The following RGS6 variants were observed in gnomAD, a reference collection of about 807,000 sequenced individuals.
RGS6 encodes the protein regulator of G-protein signaling 6.
RGS6 carries 30 observed loss-of-function variants against 78.5 expected under a neutral mutation model. That is an observed-to-expected ratio of 0.38 (90% CI 0.29 to 0.52). The LOEUF (loss-of-function observed/expected upper bound fraction) is 0.52, where lower values mean the gene tolerates loss of function less well. RGS6 is among the 20% of genes least tolerant of loss of function. The probability of loss-of-function intolerance (pLI) is 0.85; values close to 1 mark genes in which losing one functional copy is unlikely to be tolerated. For synonymous variants in RGS6, 206 were observed against 206.0 expected (o/e 1.00, Z 0.00); for missense variants, 495 against 609.7 (o/e 0.81, Z 1.98).
chr14:71,907,945 A>G, the RGS6 span, among the ~76,000 whole-genome samples: 15 of 152,194 alleles, frequency 9.9e-5, no homozygotes. Context: ...AACAAATAGC[A>G]CGGGTACTGG....
At chr14:72,103,481 G>A (rs2095568189) in intron 2 of RGS6, among the ~76,000 whole-genome samples, 1 of 152,188 alleles carries the variant, frequency 6.6e-6, no homozygotes, top group Non-Finnish European at 1.5e-5. Context: ...CTTTTGCTCT[G>A]AATAGCAGCA....
intron 2 of RGS6, among the ~76,000 whole-genome samples, chr14:72,055,307 C>T (rs909096732): frequency 2.0e-5 from 3 of 148,964 alleles, no homozygotes; most frequent in Admixed American, 6.6e-5. Flanking sequence ...TATTTTCAGA[C>T]ATCAATTTTT....
chr14:72,314,487 T>A (rs1471844285), intron 2 of RGS6, among the ~76,000 whole-genome samples: 1 of 152,212 alleles, frequency 6.6e-6, no homozygotes. Context: ...TGGGAGTTTC[T>A]AGCTATAGAA....
chr14:72,329,151 G>A (rs982260304), intron 2 of RGS6, among the ~76,000 whole-genome samples: 4 of 152,240 alleles, frequency 2.6e-5, no homozygotes, highest in Admixed American at 2.6e-4. Flanking sequence ...TGGGATTACA[G>A]GCGTGAGCCA....
At chr14:72,240,306 T>A (rs2052438831) in intron 2 of RGS6, among the ~76,000 whole-genome samples, 1 of 152,244 alleles carries the variant, frequency 6.6e-6, no homozygotes, top group African/African-American at 2.4e-5. Context: ...AGTAGGCAAG[T>A]CAACTGTGAG....
chr14:72,301,503 C>A (rs2066051662), intron 2 of RGS6, among the ~76,000 whole-genome samples: 2 of 152,000 alleles, frequency 1.3e-5, no homozygotes, highest in South Asian at 4.2e-4. Flanking sequence ...TTCTCATTTT[C>A]TCTCTCACCA....
At chr14:72,287,851 G>C (rs112486427) in intron 2 of RGS6, among the ~76,000 whole-genome samples, 7 of 152,302 alleles carry the variant, frequency 4.6e-5, no homozygotes, top group African/African-American at 1.7e-4. Context: ...CTATTGAGAT[G>C]ATTGTGTGAT....
At chr14:72,191,298 G>A (rs1053586776) in intron 2 of RGS6, among the ~76,000 whole-genome samples, 1 of 150,952 alleles carries the variant, frequency 6.6e-6, no homozygotes, top group African/African-American at 2.4e-5. Flanking sequence ...TTGTAAATGA[G>A]GTTTCAACTC....
At chr14:72,469,484 G>T in intron 7 of RGS6, 1 of 152,864 alleles carries the variant, frequency 6.5e-6, no homozygotes, top group Non-Finnish European at 1.5e-5. Context: ...TGCGATTACA[G>T]GTGTGAGTCA....
At chr14:72,058,350 G>T (rs1177473058) in intron 2 of RGS6, among the ~76,000 whole-genome samples, 1 of 152,138 alleles carries the variant, frequency 6.6e-6, no homozygotes, top group Non-Finnish European at 1.5e-5. Context: ...AATATTTTAA[G>T]ACAGCTGGTT....
At chr14:72,517,491 G>T (rs1321861787) in intron 14 of RGS6, among the ~76,000 whole-genome samples, 2 of 35,296 alleles carry the variant, frequency 5.7e-5, no homozygotes, top group African/African-American at 1.1e-4. Context: ...GCTCCCATGC[G>T]GATGCTGAGG....
chr14:72,315,151 A>G (rs938852756), intron 2 of RGS6, among the ~76,000 whole-genome samples: 25 of 106 alleles, frequency 0.24, no homozygotes, highest in Non-Finnish European at 0.038. Context: ...ATATGTAAAT[A>G]TCAGCTGAGA....
intron 13 of RGS6, among the ~76,000 whole-genome samples, chr14:72,501,476 C>A (rs1216112276): frequency 6.6e-6 from 1 of 152,152 alleles, no homozygotes; most frequent in Non-Finnish European, 1.5e-5. Context: ...GATCGCACCA[C>A]TCCACTCCCG....
At chr14:71,999,207 A>AC (rs2082920644) in intron 2 of RGS6, among the ~76,000 whole-genome samples, 1 of 152,232 alleles carries the variant, frequency 6.6e-6, no homozygotes, top group Admixed American at 6.5e-5. Flanking sequence ...GGGAATTAAA[A>AC]CCGGAGAGCG....
At chr14:71,891,669 C>T in the RGS6 span, among the ~76,000 whole-genome samples, 1 of 148,148 alleles carries the variant, frequency 6.8e-6, no homozygotes, top group South Asian at 2.1e-4. Flanking sequence ...AGATGATTTG[C>T]AGCTATTAAA....
chr14:72,467,751 C>T (rs868073097), intron 7 of RGS6, among the ~76,000 whole-genome samples: 1 of 152,168 alleles, frequency 6.6e-6, no homozygotes, highest in East Asian at 1.9e-4. Context: ...CCCAGATAAA[C>T]CTTGGCCTGG....
chr14:72,417,072 C>A (rs532482833), intron 3 of RGS6, among the ~76,000 whole-genome samples: 4 of 152,298 alleles, frequency 2.6e-5, no homozygotes, highest in African/African-American at 9.6e-5. Context: ...TGGAACGTCA[C>A]CCTTCAGGGA....
chr14:72,271,049 G>C (rs1175810810), intron 2 of RGS6, among the ~76,000 whole-genome samples: 1 of 152,200 alleles, frequency 6.6e-6, no homozygotes, highest in Non-Finnish European at 1.5e-5. Context: ...GATTATTACA[G>C]TGCAAGAGAA....
At chr14:72,289,454 A>G (rs1228442093) in intron 2 of RGS6, among the ~76,000 whole-genome samples, 1 of 152,004 alleles carries the variant, frequency 6.6e-6, no homozygotes, top group Non-Finnish European at 1.5e-5. Flanking sequence ...TGCCCATTTC[A>G]CAGAATCACG....
Sources: gnomAD v4.1 joint callset for allele counts (sites outside exome capture counted in the v4.1 genomes callset) on GRCh38, gnomAD v4.1.1 for gene constraint, MANE v1.5 for transcripts, NCBI Gene and HGNC (gene_info 2026-07-23, HGNC 2026-07-21) for gene names.